Variants in SETD2 observed in about 807,000 individuals in gnomAD.
SETD2 encodes histone-lysine N-methyltransferase SETD2.
In SETD2, 31 loss-of-function variants were observed where a neutral mutation model predicts 242.1. The ratio of observed to expected loss-of-function variants is 0.13; its 90% CI spans 0.10 to 0.17. The LOEUF (loss-of-function observed/expected upper bound fraction) is 0.17, where lower values mean the gene tolerates loss of function less well. Ranked by LOEUF, SETD2 falls within the 10% of genes least tolerant of loss-of-function variation. The probability of loss-of-function intolerance (pLI) is 1.00; values close to 1 mark genes in which losing one functional copy is unlikely to be tolerated. For synonymous variants in SETD2, 1,006 were observed against 1,066.5 expected, an observed-to-expected ratio of 0.94 and a Z score of 1.11; for missense variants, 2,481 against 3,046.3, an observed-to-expected ratio of 0.81 and a Z score of 4.37.
intron 1 of SETD2, among the ~76,000 whole-genome samples, chr3:47,135,335 C>T (rs927607878): frequency 1.3e-5 from 2 of 152,292 alleles, no homozygotes; most frequent in South Asian, 2.1e-4. Flanking sequence ...GAGGCAGTGG[C>T]ACAATCTTGG....
chr3:47,110,251 G>A (rs185130488), intron 5 of SETD2, among the ~76,000 whole-genome samples: 46 of 152,232 alleles, frequency 3.0e-4, no homozygotes, highest in Non-Finnish European at 5.4e-4. Flanking sequence ...ATTAGTGGCT[G>A]CCAGGCCTGG....
At chr3:47,038,638 C>T (rs1039170343) in intron 17 of SETD2, among the ~76,000 whole-genome samples, 1 of 149,624 alleles carries the variant, frequency 6.7e-6, no homozygotes, top group Admixed American at 6.7e-5. Context: ...AAAAAAAAAA[C>T]AAAAACTTGT....
chr3:47,143,098 G>C (rs2043771305), intron 1 of SETD2, among the ~76,000 whole-genome samples: 2 of 152,162 alleles, frequency 1.3e-5, no homozygotes, highest in African/African-American at 4.8e-5. Flanking sequence ...CTCAAGACTA[G>C]TCTGGGCAAC....
At chr3:47,161,837 G>C (rs1350343212) in intron 1 of SETD2, among the ~76,000 whole-genome samples, 2 of 150,990 alleles carry the variant, frequency 1.3e-5, no homozygotes, top group Non-Finnish European at 2.9e-5. Context: ...CTTAAGCCCA[G>C]AGGTTCAAGG....
rs182287431 is a variant in SETD2, at chr3:47,093,421, T to A, written c.5142+4534A>T. On this transcript the variant is annotated intron_variant, in intron 9 of 20. Coordinates refer to ENST00000409792, the MANE Select transcript of SETD2 (RefSeq NM_014159.7). ...GCCTCAGCCTCCCAAGTAGCTGAGATTACAGGCACCCACCATTACACTTGG... is the reference window on the plus strand; with the variant it reads ...GCCTCAGCCTCCCAAGTAGCTGAGAATACAGGCACCCACCATTACACTTGG... Among the ~76,000 whole-genome samples the A allele has an allele frequency of 5.9e-5, 9 of 151,922 alleles. No homozygotes were observed. The East Asian group carries it at 1.7e-3, about 29-fold the overall frequency.
At chr3:47,102,743 G>A (rs990510662) in intron 7 of SETD2, among the ~76,000 whole-genome samples, 14 of 133,036 alleles carry the variant, frequency 1.1e-4, no homozygotes, top group Admixed American at 2.6e-4. Flanking sequence ...GCAGTGAGCC[G>A]AGATCATGTC....
intron 18 of SETD2, among the ~76,000 whole-genome samples, chr3:47,031,089 G>C (rs545938361): frequency 6.6e-6 from 1 of 152,236 alleles, no homozygotes; most frequent in South Asian, 2.1e-4. Flanking sequence ...CTGGGGAAGA[G>C]GGATGAGGAG....
chr3:47,118,299 A>G (rs913546921), intron 3 of SETD2, among the ~76,000 whole-genome samples: 1 of 152,210 alleles, frequency 6.6e-6, no homozygotes, highest in Non-Finnish European at 1.5e-5. Context: ...ATGGGCATAG[A>G]TTTTGGCAGG....
At chr3:47,038,242 T>C (rs2039112135) in intron 17 of SETD2, among the ~76,000 whole-genome samples, 1 of 152,208 alleles carries the variant, frequency 6.6e-6, no homozygotes, top group African/African-American at 2.4e-5. Flanking sequence ...AAATTATCCC[T>C]TGCTTTAGGA....
At chr3:47,079,523 A>T (rs537014766) in intron 12 of SETD2, among the ~76,000 whole-genome samples, 1 of 152,366 alleles carries the variant, frequency 6.6e-6, no homozygotes, top group East Asian at 1.9e-4. Flanking sequence ...CAAAAGAGTA[A>T]AGTGAAAATG....
intron 9 of SETD2, among the ~76,000 whole-genome samples, chr3:47,095,639 A>G (rs561716049): frequency 1.3e-5 from 2 of 152,236 alleles, no homozygotes; most frequent in Non-Finnish European, 2.9e-5. Flanking sequence ...GATAAATCTT[A>G]AAGAAACATG....
chr3:47,019,614 C>A, intron 19 of SETD2, 146 bp downstream of exon 19: 1 of 646,004 alleles, frequency 1.5e-6, no homozygotes, highest in Non-Finnish European at 2.7e-6. Flanking sequence ...CTAAAAGAAG[C>A]ACTTCAGCAA....
intron 5 of SETD2, among the ~76,000 whole-genome samples, chr3:47,107,744 C>T (rs2042492349): frequency 7.1e-6 from 1 of 140,718 alleles, no homozygotes; most frequent in African/African-American, 2.7e-5. Context: ...GGGGGGGTGG[C>T]AGGATTGCTT....
chr3:47,069,339 C>T (rs2040710970), intron 12 of SETD2, among the ~76,000 whole-genome samples: 1 of 152,148 alleles, frequency 6.6e-6, no homozygotes, highest in Non-Finnish European at 1.5e-5. Context: ...GTGACATCCT[C>T]CATCCCCTTA....
chr3:47,157,505 T>A (rs955781190), intron 1 of SETD2: 1 of 456,100 alleles, frequency 2.2e-6, no homozygotes, highest in South Asian at 1.5e-5. Flanking sequence ...TTGACCAAAT[T>A]TGCCATACTT....
At chr3:47,062,505 G>A (rs201517409) in intron 13 of SETD2, among the ~76,000 whole-genome samples, 159 bp from the exon 14 acceptor site, 17 of 151,436 alleles carry the variant, frequency 1.1e-4, no homozygotes, top group East Asian at 9.6e-4. Flanking sequence ...ATTTGAAAGA[G>A]ATACAAGGTC....
chr3:47,032,259 C>A (rs1459044352), intron 18 of SETD2, among the ~76,000 whole-genome samples: 1 of 151,838 alleles, frequency 6.6e-6, no homozygotes, highest in African/African-American at 2.4e-5. Flanking sequence ...CACCTATAAT[C>A]CCAGCACTTT....
At chr3:47,133,168 G>A (rs1045097307) in intron 1 of SETD2, among the ~76,000 whole-genome samples, 3 of 152,002 alleles carry the variant, frequency 2.0e-5, no homozygotes, top group Non-Finnish European at 4.4e-5. Flanking sequence ...TTCTTATCTC[G>A]GGAATCTGGG....
At chr3:47,092,050 T>A (rs1163537319) in intron 9 of SETD2, among the ~76,000 whole-genome samples, 1 of 152,234 alleles carries the variant, frequency 6.6e-6, no homozygotes, top group Non-Finnish European at 1.5e-5. Flanking sequence ...TAACATTTAT[T>A]GAATAGATAT....
Sources: allele counts gnomAD v4.1 joint callset (sites outside exome capture counted in the v4.1 genomes callset), GRCh38; gene constraint gnomAD v4.1.1; transcripts MANE v1.5; gene names NCBI Gene and HGNC (gene_info 2026-07-23, HGNC 2026-07-21).